Variants in HNF4G observed in about 807,000 individuals in gnomAD.
HNF4G encodes the protein hepatocyte nuclear factor 4-gamma.
Under a neutral mutation model 50.9 loss-of-function variants are expected in HNF4G, and 21 were observed. The observed-to-expected ratio is 0.41, with a 90% CI of 0.29 to 0.59. HNF4G has a LOEUF of 0.59. HNF4G is among the 20% of genes least tolerant of loss of function. HNF4G has a pLI of 0.26. For synonymous variants in HNF4G, 198 were observed against 185.6 expected (o/e 1.07, Z -0.54); for missense variants, 527 against 559.4 (o/e 0.94, Z 0.58).
intron 1 of HNF4G, among the ~76,000 whole-genome samples, chr8:75,414,406 C>T (rs1310047410): frequency 6.6e-6 from 1 of 151,956 alleles, no homozygotes; most frequent in East Asian, 1.9e-4. Context: ...CCATAAACAG[C>T]GTATATTTAA....
chr8:75,478,630 G>A (rs552911382), intron 1 of HNF4G, among the ~76,000 whole-genome samples: 1 of 152,320 alleles, frequency 6.6e-6, no homozygotes. Context: ...GCTTTGTCAA[G>A]CGGTATGTAT....
At chr8:75,481,786 T>A (rs924602352) in intron 1 of HNF4G, among the ~76,000 whole-genome samples, 1 of 152,026 alleles carries the variant, frequency 6.6e-6, no homozygotes, top group African/African-American at 2.4e-5. Context: ...ATTTTTGACA[T>A]CTGAAAACTC....
intron 2 of HNF4G, among the ~76,000 whole-genome samples, chr8:75,532,962 A>C (rs1285150846): frequency 6.6e-6 from 1 of 152,006 alleles, no homozygotes; most frequent in African/African-American, 2.4e-5. Flanking sequence ...ATAAGTCTTC[A>C]TCATTATCAT....
At position 75,463,065 on chromosome 8, in the gene HNF4G, TG is replaced by T. The variant is rs1356777236; in HGVS notation, c.-143-27023del. On this transcript the variant is annotated intron_variant, in intron 1 of 10. Transcript: ENST00000354370. ...GATATTCAATGTCTGCTTGTTTTTT[TG>T]TTTTTTTTTTTTCTGTAATGCCTCT... Among the ~76,000 whole-genome samples the T allele has an allele frequency of 1.0e-3, 151 of 146,500 alleles. 1 individual carries two copies. The highest frequency in any genetic ancestry group is 3.5e-3 in the Middle Eastern group (1 of 282).
At chr8:75,421,657 A>T (rs930541823) in intron 1 of HNF4G, among the ~76,000 whole-genome samples, 3 of 152,168 alleles carry the variant, frequency 2.0e-5, no homozygotes, top group Non-Finnish European at 4.4e-5. Context: ...TGGTTCACAA[A>T]CTTGAGTGGG....
intron 1 of HNF4G, among the ~76,000 whole-genome samples, chr8:75,426,462 T>G (rs1585832546): frequency 1.3e-5 from 2 of 152,364 alleles, no homozygotes; most frequent in East Asian, 3.9e-4. Context: ...GACACTTCTT[T>G]TATATCTTCT....
chr8:75,496,786 G>A (rs115702112), intron 2 of HNF4G, among the ~76,000 whole-genome samples: 2,043 of 148,892 alleles, frequency 0.014, 49 homozygotes, highest in African/African-American at 0.045. Context: ...TAACGAAGCA[G>A]CATCAAATAC....
intron 6 of HNF4G, among the ~76,000 whole-genome samples, chr8:75,557,323 TA>T (rs1563554476): frequency 6.6e-6 from 1 of 152,052 alleles, no homozygotes; most frequent in Non-Finnish European, 1.5e-5. Context: ...AGATACAAAT[TA>T]AAACATTACA....
chr8:75,437,052 C>G (rs937355960), intron 1 of HNF4G, among the ~76,000 whole-genome samples: 4 of 152,072 alleles, frequency 2.6e-5, no homozygotes, highest in Admixed American at 2.6e-4. Context: ...TTGTTAAAAA[C>G]AAATAAACAA....
chr8:75,519,412 AAGC>A (rs1205330159), intron 2 of HNF4G, among the ~76,000 whole-genome samples: 6 of 152,140 alleles, frequency 3.9e-5, no homozygotes, highest in Admixed American at 6.5e-5. Flanking sequence ...GGTGTCTTTA[AAGC>A]AGCATCCCAC....
intron 1 of HNF4G, among the ~76,000 whole-genome samples, chr8:75,482,470 G>C (rs149111135): frequency 6.6e-6 from 1 of 151,918 alleles, no homozygotes; most frequent in Non-Finnish European, 1.5e-5. Context: ...AGGTTCAAGC[G>C]ACTCTCCTGC....
At chr8:75,479,026 C>T (rs72660013) in intron 1 of HNF4G, among the ~76,000 whole-genome samples, 18,612 of 152,138 alleles carry the variant, frequency 0.12, 1,542 homozygotes, top group African/African-American at 0.24. Context: ...CGGCCGGCAA[C>T]GCATAATTTT....
At position 75,513,253 on chromosome 8, in the gene HNF4G, G is replaced by A. The variant is rs561970521; in HGVS notation, c.-24+23045G>A. Among the ~76,000 whole-genome samples, 26 of 152,208 alleles carry A rather than the reference G, an allele frequency of 1.7e-4. 1 individual carries two copies. The highest frequency in any genetic ancestry group is 5.5e-4 in the African/African-American group (23 of 41,538). On this transcript the variant is annotated intron_variant, in intron 2 of 10. Transcript: ENST00000354370. The stretch of plus-strand genomic sequence containing the variant: ...GGGTTTCACCACGTTGGCCAGGCTA[G>A]TCTTGAACTCCTGACCTCAGGTGAT...
intron 1 of HNF4G, among the ~76,000 whole-genome samples, chr8:75,410,367 T>A (rs549642862): frequency 6.6e-6 from 1 of 152,196 alleles, no homozygotes; most frequent in African/African-American, 2.4e-5. Flanking sequence ...GTTGAAAAAT[T>A]GATTCCTCAT....
chr8:75,467,785 G>A (rs2130624140), intron 1 of HNF4G, among the ~76,000 whole-genome samples: 1 of 151,120 alleles, frequency 6.6e-6, no homozygotes, highest in East Asian at 1.9e-4. Flanking sequence ...TTTTTAAAAT[G>A]TCATTCCCAG....
chr8:75,447,603 C>A (rs569853303), intron 1 of HNF4G, among the ~76,000 whole-genome samples: 2 of 151,794 alleles, frequency 1.3e-5, no homozygotes, highest in African/African-American at 2.4e-5. Context: ...ACAAACAACC[C>A]CATCAAAAAG....
At chr8:75,519,177 C>G (rs1406278360) in intron 2 of HNF4G, among the ~76,000 whole-genome samples, 4 of 152,204 alleles carry the variant, frequency 2.6e-5, no homozygotes, top group Non-Finnish European at 5.9e-5. Flanking sequence ...TAAAGCCTAA[C>G]AAGAGTCACC....
chr8:75,422,569 G>A (rs1448444793), intron 1 of HNF4G, among the ~76,000 whole-genome samples: 1 of 152,038 alleles, frequency 6.6e-6, no homozygotes, highest in Admixed American at 6.5e-5. Flanking sequence ...GCTAAATTTA[G>A]GAAATAATCC....
chr8:75,425,564 AAT>A (rs1303594267), intron 1 of HNF4G, among the ~76,000 whole-genome samples: 1 of 147,440 alleles, frequency 6.8e-6, no homozygotes, highest in East Asian at 1.9e-4. Context: ...TATATTATAT[AAT>A]ATATGTTATA....
Sources: gnomAD v4.1 joint callset for allele counts (sites outside exome capture counted in the v4.1 genomes callset) on GRCh38, gnomAD v4.1.1 for gene constraint, MANE v1.5 for transcripts, NCBI Gene and HGNC (gene_info 2026-07-23, HGNC 2026-07-21) for gene names.